TRPS1: variants seen among roughly 807,000 people sequenced by gnomAD.
TRPS1 encodes transcriptional repressor GATA binding 1.
In TRPS1, 6 loss-of-function variants were observed where a neutral mutation model predicts 101.2. The ratio of observed to expected loss-of-function variants is 0.06; its 90% CI spans 0.03 to 0.12. The LOEUF is 0.12. Among genes scored for constraint, TRPS1 ranks in the 10% least tolerant of loss-of-function variants. The pLI, the probability that TRPS1 is intolerant of heterozygous loss-of-function variation, is 1.00. For synonymous variants in TRPS1, 578 were observed against 589.8 expected (o/e 0.98, Z 0.29); for missense variants, 1,363 against 1,567.0 (o/e 0.87, Z 2.20).
intron 5 of TRPS1, among the ~76,000 whole-genome samples, chr8:115,480,292 C>T (rs1814718764): frequency 6.6e-6 from 1 of 152,036 alleles, no homozygotes. Context: ...GAGTGTCCAA[C>T]ATAAATGAAG....
intron 1 of TRPS1, among the ~76,000 whole-genome samples, chr8:115,665,324 AT>A (rs1168323653): frequency 6.6e-6 from 1 of 152,220 alleles, no homozygotes; most frequent in Non-Finnish European, 1.5e-5. Flanking sequence ...TGTACACATC[AT>A]TAATCACATA....
In TRPS1 at chr8:115,418,510, A is replaced by C; in HGVS notation, c.2701-58T>G. The stretch of plus-strand genomic sequence containing the variant: ...TGAGTCACATGATCAGTGGAGTTAG[A>C]CCAAATCAACCCAGGAGTTTTGTCT... On this transcript the variant is annotated intron_variant, in intron 5 of 6. Transcript: ENST00000395715. The surrounding 1 kb of genome is among the most constrained non-coding windows in gnomAD (Gnocchi z 4.3). The C allele has an allele frequency of 6.2e-7, 1 of 1,612,966 alleles. No homozygotes were observed. The highest frequency in any genetic ancestry group is 1.7e-5 in the Admixed American group (1 of 60,014).
intron 5 of TRPS1, among the ~76,000 whole-genome samples, chr8:115,491,909 T>G (rs1815032315): frequency 6.6e-6 from 1 of 152,172 alleles, no homozygotes; most frequent in South Asian, 2.1e-4. Flanking sequence ...ATATAAATTT[T>G]TATGATAAAT....
chr8:115,470,773 T>C (rs1297584227), intron 5 of TRPS1, among the ~76,000 whole-genome samples: 1 of 152,234 alleles, frequency 6.6e-6, no homozygotes, highest in African/African-American at 2.4e-5. Context: ...ATGATTCATA[T>C]TCTCTATGCC....
At chr8:115,628,876 A>G (rs1192275702) in intron 1 of TRPS1, among the ~76,000 whole-genome samples, 1 of 151,872 alleles carries the variant, frequency 6.6e-6, no homozygotes, top group Non-Finnish European at 1.5e-5. Flanking sequence ...GGTCAGATTA[A>G]GTTTAATGGA....
At chr8:115,476,309 G>A (rs1323201305) in intron 5 of TRPS1, among the ~76,000 whole-genome samples, 2 of 18,394 alleles carry the variant, frequency 1.1e-4, no homozygotes, top group Non-Finnish European at 1.5e-4. Context: ...GTGAGCCACC[G>A]CGCCCGGCCC....
intron 4 of TRPS1, among the ~76,000 whole-genome samples, chr8:115,591,053 T>G (rs956797910): frequency 6.6e-6 from 1 of 152,346 alleles, no homozygotes; most frequent in African/African-American, 2.4e-5. Flanking sequence ...TATGCTTTTC[T>G]GCTTCATCTA....
intron 1 of TRPS1, among the ~76,000 whole-genome samples, chr8:115,636,184 ATTTAT>A (rs1818763422): frequency 6.6e-6 from 1 of 152,022 alleles, no homozygotes; most frequent in South Asian, 2.1e-4. Flanking sequence ...CATACATATA[ATTTAT>A]TTTAAATTGA....
intron 1 of TRPS1, among the ~76,000 whole-genome samples, chr8:115,645,731 A>G (rs1307678342): frequency 6.6e-6 from 1 of 152,242 alleles, no homozygotes; most frequent in Non-Finnish European, 1.5e-5. Flanking sequence ...ATGATGGCAC[A>G]TGTCATTAAA....
intron 5 of TRPS1, among the ~76,000 whole-genome samples, chr8:115,425,119 G>C (rs922677773): frequency 1.3e-5 from 2 of 152,142 alleles, no homozygotes; most frequent in Non-Finnish European, 2.9e-5. Context: ...AGCACAGGCT[G>C]GCCAACAATT....
At chr8:115,475,266 TTATATATA>T (rs33922102) in intron 5 of TRPS1, among the ~76,000 whole-genome samples, 2,749 of 123,954 alleles carry the variant, frequency 0.022, 169 homozygotes, top group African/African-American at 0.088. Context: ...TGAATCACAG[TTATATATA>T]TATATATATA....
intron 5 of TRPS1, among the ~76,000 whole-genome samples, chr8:115,581,793 A>C (rs1817458000): frequency 6.6e-6 from 1 of 152,182 alleles, no homozygotes; most frequent in African/African-American, 2.4e-5. Flanking sequence ...ACACATAATG[A>C]ATTTGATACA....
intron 5 of TRPS1, among the ~76,000 whole-genome samples, chr8:115,533,440 T>TTTTTTTTTTTG (rs1563580682): frequency 1.7e-5 from 2 of 118,904 alleles, no homozygotes; most frequent in East Asian, 5.0e-4. Context: ...TAATCTGTTT[T>TTTTTTTTTTTG]TTTTTTTTTT....
In TRPS1 at chr8:115,418,185, A is replaced by C. The variant is rs2129767671; in HGVS notation, c.2823+145T>G. ...TCACATCTAAGCCCCCTTCACCATAAATCACATGTGCACTCAAAGTGACTG... is the reference window on the plus strand; with the variant it reads ...TCACATCTAAGCCCCCTTCACCATACATCACATGTGCACTCAAAGTGACTG... On this transcript the variant is annotated intron_variant, in intron 6 of 6. Transcript: ENST00000395715. This position sits in a 1 kb window ranked among gnomAD's most constrained non-coding sequence, Gnocchi z 4.3. The C allele has an allele frequency of 2.2e-6, 3 of 1,347,728 alleles. No homozygotes were observed. The highest frequency in any genetic ancestry group is 1.7e-5 in the Admixed American group (1 of 57,980). The allele number at this position is 1,347,728 out of a possible 1,614,324, so 83.5% of individuals were successfully genotyped here.
intron 5 of TRPS1, among the ~76,000 whole-genome samples, chr8:115,573,439 G>A (rs182650374): frequency 6.4e-4 from 97 of 151,970 alleles, no homozygotes; most frequent in African/African-American, 1.9e-3. Flanking sequence ...TTTGTCACCC[G>A]CACATATAAA....
chr8:115,474,378 GGGAT>G (rs10641080), intron 5 of TRPS1, among the ~76,000 whole-genome samples: 2 of 151,972 alleles, frequency 1.3e-5, no homozygotes, highest in South Asian at 2.1e-4. Flanking sequence ...AAAATTCTCT[GGGAT>G]GGATGGATGG....
At chr8:115,495,242 C>T (rs562283150) in intron 5 of TRPS1, among the ~76,000 whole-genome samples, 1 of 152,152 alleles carries the variant, frequency 6.6e-6, no homozygotes, top group African/African-American at 2.4e-5. Context: ...TCTTTAAATT[C>T]GTTTTATAAT....
At chr8:115,641,427 G>GC (rs1209869149) in intron 1 of TRPS1, among the ~76,000 whole-genome samples, 2 of 152,192 alleles carry the variant, frequency 1.3e-5, no homozygotes, top group African/African-American at 4.8e-5. Context: ...AGGGGCAGCA[G>GC]CGTCTCTGTA....
At chr8:115,434,692 G>A (rs1813406802) in intron 5 of TRPS1, among the ~76,000 whole-genome samples, 1 of 152,090 alleles carries the variant, frequency 6.6e-6, no homozygotes, top group African/African-American at 2.4e-5. Flanking sequence ...CATAAACATT[G>A]GTTTCTTTTA....
Sources: allele counts gnomAD v4.1 joint callset (sites outside exome capture counted in the v4.1 genomes callset), GRCh38; gene constraint gnomAD v4.1.1; non-coding constraint Gnocchi (gnomAD v3.1); transcripts MANE v1.5; gene names NCBI Gene and HGNC (gene_info 2026-07-23, HGNC 2026-07-21).